SORCS3: variants seen among roughly 807,000 people sequenced by gnomAD.
The protein encoded by SORCS3 is VPS10 domain-containing receptor SorCS3.
In SORCS3, 57 loss-of-function variants were observed where a neutral mutation model predicts 146.3. The observed-to-expected ratio is 0.39, with a 90% CI of 0.31 to 0.49. The LOEUF (loss-of-function observed/expected upper bound fraction) is 0.49. Among genes scored for constraint, SORCS3 ranks in the 20% least tolerant of loss-of-function variants. The pLI is 0.92. For missense variants in SORCS3, 1,341 were observed against 1,575.5 expected, an observed-to-expected ratio of 0.85 and a Z score of 2.52; for synonymous variants, 653 against 618.5, an observed-to-expected ratio of 1.06 and a Z score of -0.83.
intron 12 of SORCS3, among the ~76,000 whole-genome samples, chr10:105,166,849 A>G (rs1185469630): frequency 1.3e-5 from 2 of 152,188 alleles, no homozygotes; most frequent in Admixed American, 6.5e-5. Flanking sequence ...AACACAGACT[A>G]TTGACAAATT....
At chr10:104,950,585 C>A (rs2019418308) in intron 3 of SORCS3, among the ~76,000 whole-genome samples, 1 of 152,050 alleles carries the variant, frequency 6.6e-6, no homozygotes, top group African/African-American at 2.4e-5. Flanking sequence ...GGTTTAGTTA[C>A]AAAAATATTT....
intron 1 of SORCS3, among the ~76,000 whole-genome samples, chr10:104,691,021 C>A (rs933952097): frequency 2.0e-5 from 3 of 152,166 alleles, no homozygotes; most frequent in African/African-American, 7.2e-5. Context: ...CCATTGCATA[C>A]TTTAGGACAG....
In SORCS3 at chr10:105,256,885, T is replaced by G. The variant is rs777364962; in HGVS notation, c.3404T>G (p.Phe1135Cys). 6.2e-7 allele frequency: 1 copy of G among 1,614,204 alleles called. No homozygotes were observed. Among genetic ancestry groups the G allele is most frequent in the Admixed American group, 1.7e-5 (1 of 60,028 alleles). Residue 1135 changes from phenylalanine (F) to cysteine (C), a missense_variant, in exon 25 of 27, where the codon TTT becomes TGT. Phe to Cys is a radical substitution (Grantham distance 205). Transcript: ENST00000369701. ...ATGCTTATGCTATTATCAGTGGTAT[T>G]TGTTGGCCTGGCTGTGTTTTTGATC... ...SAMLMLLSVV[F>C]VGLAVFLIYK... is the part of the protein sequence containing the mutation.
chr10:104,987,612 T>C (rs1426109394), intron 4 of SORCS3, among the ~76,000 whole-genome samples: 1 of 152,186 alleles, frequency 6.6e-6, no homozygotes, highest in Non-Finnish European at 1.5e-5. Context: ...ACTGTCGTCC[T>C]TTTAGAACTC....
chr10:105,161,956 A>G (rs2056267389), intron 11 of SORCS3, among the ~76,000 whole-genome samples: 1 of 151,854 alleles, frequency 6.6e-6, no homozygotes, highest in Non-Finnish European at 1.5e-5. Context: ...TAAACTCTGA[A>G]TGTTCACACC....
chr10:104,866,253 A>G, intron 2 of SORCS3, among the ~76,000 whole-genome samples: 1 of 152,224 alleles, frequency 6.6e-6, no homozygotes, highest in Non-Finnish European at 1.5e-5. Context: ...AATGACTATT[A>G]TGTTGGAAAG....
intron 3 of SORCS3, among the ~76,000 whole-genome samples, chr10:104,969,734 TTATG>T (rs887301467): frequency 2.0e-4 from 31 of 152,238 alleles, no homozygotes; most frequent in African/African-American, 7.5e-4. Context: ...ATAAATTTCT[TTATG>T]TGTGTGTGCA....
At chr10:105,089,904 A>AT in intron 6 of SORCS3, 65 bp downstream of exon 6, 1 of 1,308,536 alleles carries the variant, frequency 7.6e-7, no homozygotes, top group East Asian at 2.3e-5. Context: ...TCCTCCCCCA[A>AT]TTTGCATTTT....
In SORCS3 at chr10:104,686,547, A is replaced by T. The variant is rs1265298339; in HGVS notation, c.627+44593A>T. On this transcript the variant is annotated intron_variant, in intron 1 of 26. Coordinates refer to ENST00000369701, the MANE Select transcript of SORCS3 (RefSeq NM_014978.3). Reference sequence around the variant, plus strand: ...TCCCTGTGAGACCAGTTCTACTCTGAGGTAATAGCCAGGAAGACTCAGGAA... The same window carrying T: ...TCCCTGTGAGACCAGTTCTACTCTGTGGTAATAGCCAGGAAGACTCAGGAA... 2.6e-5 allele frequency among the ~76,000 whole-genome samples: 4 copies of T among 152,136 alleles called. No homozygotes were observed. In the East Asian group the frequency reaches 7.7e-4, roughly 29 times the overall value.
intron 1 of SORCS3, among the ~76,000 whole-genome samples, chr10:104,706,367 C>T (rs1359128315): frequency 6.6e-6 from 1 of 151,672 alleles, no homozygotes; most frequent in Admixed American, 6.6e-5. Flanking sequence ...CACCACCACG[C>T]CCAGGTGATT....
intron 5 of SORCS3, among the ~76,000 whole-genome samples, chr10:105,078,829 C>T (rs989626411): frequency 6.6e-6 from 1 of 152,170 alleles, no homozygotes; most frequent in Admixed American, 6.5e-5. Context: ...AGCAAATTGC[C>T]TAGAATCCCC....
intron 8 of SORCS3, among the ~76,000 whole-genome samples, chr10:105,146,418 TG>T (rs1324021711): frequency 6.6e-6 from 1 of 151,994 alleles, no homozygotes; most frequent in Non-Finnish European, 1.5e-5. Flanking sequence ...AAAACTAAAG[TG>T]ATGTCAGGAC....
intron 11 of SORCS3, among the ~76,000 whole-genome samples, chr10:105,159,826 C>T (rs553758823): frequency 2.0e-5 from 3 of 152,300 alleles, no homozygotes; most frequent in South Asian, 4.1e-4. Flanking sequence ...CTTCTCCAAG[C>T]CTCCAACTGT....
At chr10:105,179,414 T>G (rs1467133135) in intron 14 of SORCS3, among the ~76,000 whole-genome samples, 1 of 152,218 alleles carries the variant, frequency 6.6e-6, no homozygotes, top group Non-Finnish European at 1.5e-5. Context: ...ATAGCACTCC[T>G]GTTTTCCTTT....
intron 4 of SORCS3, among the ~76,000 whole-genome samples, chr10:105,008,359 G>T (rs1175718561): frequency 6.6e-6 from 1 of 152,152 alleles, no homozygotes; most frequent in Non-Finnish European, 1.5e-5. Flanking sequence ...TCTCTATGAA[G>T]AGATCTCCTT....
intron 2 of SORCS3, among the ~76,000 whole-genome samples, chr10:104,912,747 A>G (rs1445545177): frequency 6.6e-6 from 1 of 152,242 alleles, no homozygotes; most frequent in African/African-American, 2.4e-5. Context: ...ACATGGTTCT[A>G]GTCTTCAAGG....
chr10:105,136,378 C>T (rs1469254335), intron 7 of SORCS3, among the ~76,000 whole-genome samples: 4 of 152,174 alleles, frequency 2.6e-5, no homozygotes, highest in East Asian at 3.9e-4. Context: ...TGGCATAGTC[C>T]TCATGTCCCA....
At chr10:104,840,500 C>CA in intron 1 of SORCS3, among the ~76,000 whole-genome samples, 1 of 152,178 alleles carries the variant, frequency 6.6e-6, no homozygotes, top group East Asian at 1.9e-4. Context: ...GGTTTCTCCC[C>CA]TACTAGACTA....
intron 22 of SORCS3, among the ~76,000 whole-genome samples, chr10:105,247,635 C>G (rs2119738487): frequency 6.6e-6 from 1 of 152,234 alleles, no homozygotes; most frequent in South Asian, 2.1e-4. Flanking sequence ...GTAATCCCAG[C>G]TACTCAGGTG....
Sources: gnomAD v4.1 joint callset for allele counts (sites outside exome capture counted in the v4.1 genomes callset) on GRCh38, gnomAD v4.1.1 for gene constraint, MANE v1.5 for transcripts, NCBI Gene and HGNC (gene_info 2026-07-23, HGNC 2026-07-21) for gene names.